The following LINGO2 variants were observed in gnomAD, a reference collection of about 807,000 sequenced individuals.
LINGO2 encodes leucine-rich repeat and immunoglobulin-like domain-containing nogo receptor-interacting protein 2.
A neutral mutation model predicts 30.6 loss-of-function variants in LINGO2; 14 were observed. That is an observed-to-expected ratio of 0.46 (90% confidence interval 0.30 to 0.72). The LOEUF (loss-of-function observed/expected upper bound fraction) is 0.72, where lower values mean the gene tolerates loss of function less well. Among genes scored for constraint, LINGO2 ranks in the 30% least tolerant of loss-of-function variants. The pLI is 0.07. For missense variants in LINGO2, 729 were observed against 751.7 expected (o/e 0.97, Z 0.35); for synonymous variants, 317 against 288.5 (o/e 1.10, Z -1.00).
intron 1 of LINGO2, among the ~76,000 whole-genome samples, chr9:28,658,865 A>C (rs1042409669): frequency 4.6e-5 from 7 of 152,034 alleles, no homozygotes; most frequent in Admixed American, 2.0e-4. Context: ...GTTATGAAAA[A>C]CACATTATTA....
the LINGO2 span, among the ~76,000 whole-genome samples, chr9:29,014,272 G>A: frequency 6.6e-6 from 1 of 152,080 alleles, no homozygotes; most frequent in Non-Finnish European, 1.5e-5. Context: ...ACACTAAAAT[G>A]GACATAAACA....
upstream of LINGO2, among the ~76,000 whole-genome samples, chr9:28,672,593 T>G (rs533637559): frequency 6.6e-6 from 1 of 152,322 alleles, no homozygotes; most frequent in Non-Finnish European, 1.5e-5. Context: ...TCCTACTCAT[T>G]ATAAGTTTTA....
At chr9:28,224,122 T>C (rs936865182) in intron 4 of LINGO2, among the ~76,000 whole-genome samples, 4 of 152,288 alleles carry the variant, frequency 2.6e-5, no homozygotes, top group African/African-American at 9.6e-5. Context: ...TGGAGTGCAG[T>C]GGTGCCATCT....
At chr9:28,691,112 G>C in the LINGO2 span, among the ~76,000 whole-genome samples, 2 of 152,086 alleles carry the variant, frequency 1.3e-5, no homozygotes, top group South Asian at 4.1e-4. Context: ...ATAAGGTTTT[G>C]GTTAAGACAG....
At chr9:28,783,613 G>C in the LINGO2 span, among the ~76,000 whole-genome samples, 1 of 151,840 alleles carries the variant, frequency 6.6e-6, no homozygotes, top group South Asian at 2.1e-4. Context: ...AGAGGGGAGG[G>C]GTTAGCAAAA....
intron 4 of LINGO2, among the ~76,000 whole-genome samples, chr9:28,166,604 T>A (rs576457096): frequency 8.5e-4 from 129 of 152,208 alleles, no homozygotes; most frequent in Middle Eastern, 3.4e-3. Context: ...ACAAAAAGAT[T>A]TTTTTAATTT....
At position 28,141,744 on chromosome 9, in the gene LINGO2, G is replaced by A. The variant is rs886731526; in HGVS notation, c.-86-129339C>T. 3.3e-4 allele frequency among the ~76,000 whole-genome samples: 50 copies of A among 152,002 alleles called. 1 individual carries two copies. The highest frequency in any genetic ancestry group is 1.1e-3 in the African/African-American group (44 of 41,376). On this transcript the variant is annotated intron_variant, in intron 4 of 5. Transcript: ENST00000379992. ...AGCTTGGGCAACATCATGAAACACC[G>A]TCTCTAGTGAGATACAAAAAAATTA...
chr9:28,217,739 C>T (rs1303552736), intron 4 of LINGO2, among the ~76,000 whole-genome samples: 1 of 151,748 alleles, frequency 6.6e-6, no homozygotes, highest in African/African-American at 2.4e-5. Context: ...TCCGAAAGAC[C>T]CCTTCTAACA....
intron 1 of LINGO2, among the ~76,000 whole-genome samples, chr9:28,499,138 C>T (rs1209985007): frequency 3.3e-5 from 5 of 152,114 alleles, no homozygotes; most frequent in Non-Finnish European, 1.5e-5. Flanking sequence ...TAAAGTTTCC[C>T]TTCTTTAGCA....
chr9:28,425,192 T>C (rs1823353763), intron 2 of LINGO2, among the ~76,000 whole-genome samples: 1 of 149,452 alleles, frequency 6.7e-6, no homozygotes, highest in Admixed American at 6.7e-5. Context: ...GTAAAACTCT[T>C]AATAGAGCTT....
the LINGO2 span, among the ~76,000 whole-genome samples, chr9:28,764,749 A>AC: frequency 2.0e-5 from 3 of 151,970 alleles, no homozygotes; most frequent in Admixed American, 1.3e-4. Context: ...TATACAGAAA[A>AC]CCCCATAGAT....
At chr9:28,970,235 G>C in the LINGO2 span, among the ~76,000 whole-genome samples, 1 of 152,096 alleles carries the variant, frequency 6.6e-6, no homozygotes, top group Non-Finnish European at 1.5e-5. Context: ...CTACTGAAGG[G>C]CCTAGACTAC....
chr9:28,492,387 C>T (rs750358729), intron 1 of LINGO2, among the ~76,000 whole-genome samples: 6 of 152,022 alleles, frequency 3.9e-5, no homozygotes, highest in South Asian at 2.1e-4. Flanking sequence ...TAGCCTGTAG[C>T]GAATTTTTAG....
rs765824832 is a variant in LINGO2 at position 28,488,317 on chromosome 9, G to A, written c.-364-12292C>T. On this transcript the variant is annotated intron_variant, in intron 1 of 5. Transcript: ENST00000379992. ...TGTAATGATATCCCACATAAACAGGGAAACTTACTGAATACTGTAGCAAAG... is the reference window on the plus strand; with the variant it reads ...TGTAATGATATCCCACATAAACAGGAAAACTTACTGAATACTGTAGCAAAG... 3.9e-5 allele frequency among the ~76,000 whole-genome samples: 6 copies of A among 152,230 alleles called. No homozygotes were observed. In the South Asian group the frequency reaches 1.0e-3, roughly 26 times the overall value.
At chr9:28,530,562 CA>C (rs1236704977) in intron 1 of LINGO2, among the ~76,000 whole-genome samples, 4 of 152,188 alleles carry the variant, frequency 2.6e-5, no homozygotes, top group Non-Finnish European at 4.4e-5. Flanking sequence ...AGTGCACATC[CA>C]AGAAACTACT....
intron 5 of LINGO2, among the ~76,000 whole-genome samples, chr9:28,005,613 CAA>C (rs1433621370): frequency 6.6e-6 from 1 of 151,892 alleles, no homozygotes; most frequent in African/African-American, 2.4e-5. Context: ...TGGCTGGTCC[CAA>C]AGTCTTGTGG....
At chr9:28,185,894 C>G (rs1819523418) in intron 4 of LINGO2, among the ~76,000 whole-genome samples, 1 of 152,044 alleles carries the variant, frequency 6.6e-6, no homozygotes, top group Non-Finnish European at 1.5e-5. Flanking sequence ...TAAGATTATA[C>G]TTTGAAATGT....
chr9:28,876,032 A>G, the LINGO2 span, among the ~76,000 whole-genome samples: 1 of 152,092 alleles, frequency 6.6e-6, no homozygotes, highest in Non-Finnish European at 1.5e-5. Context: ...TACCAAGAAT[A>G]TTAAACCCTT....
At chr9:29,081,843 A>G in the LINGO2 span, among the ~76,000 whole-genome samples, 4 of 151,736 alleles carry the variant, frequency 2.6e-5, no homozygotes, top group East Asian at 7.8e-4. Flanking sequence ...TTCAAAGCAA[A>G]TAAAATACCT....
Sources: gnomAD v4.1 joint callset for allele counts (sites outside exome capture counted in the v4.1 genomes callset) on GRCh38, gnomAD v4.1.1 for gene constraint, MANE v1.5 for transcripts, NCBI Gene and HGNC (gene_info 2026-07-23, HGNC 2026-07-21) for gene names.